Variants in DCC observed in about 807,000 individuals in gnomAD.
DCC encodes netrin receptor DCC.
Under a neutral mutation model 172.5 loss-of-function variants are expected in DCC, and 58 were observed. The observed-to-expected ratio is 0.34, with a 90% CI of 0.27 to 0.42. The LOEUF (loss-of-function observed/expected upper bound fraction) is 0.42. DCC is among the 10% of genes least tolerant of loss of function. DCC has a pLI of 1.00. For synonymous variants in DCC, 709 were observed against 644.5 expected (o/e 1.10, Z -1.52); for missense variants, 1,740 against 1,791.0 (o/e 0.97, Z 0.51).
intron 1 of DCC, among the ~76,000 whole-genome samples, chr18:52,351,766 T>C (rs1984131940): frequency 6.6e-6 from 1 of 152,226 alleles, no homozygotes; most frequent in Admixed American, 6.5e-5. Flanking sequence ...GATTATTTTC[T>C]CAATATGATC....
chr18:52,837,917 C>A (rs1388208935), intron 2 of DCC, among the ~76,000 whole-genome samples: 1 of 152,102 alleles, frequency 6.6e-6, no homozygotes, highest in Non-Finnish European at 1.5e-5. Flanking sequence ...GAAGGGGAAG[C>A]AAATACATCC....
intron 5 of DCC, among the ~76,000 whole-genome samples, chr18:52,956,728 T>C (rs772493468): frequency 8.5e-5 from 13 of 152,154 alleles, no homozygotes; most frequent in Non-Finnish European, 2.9e-5. Flanking sequence ...TCAATGACCA[T>C]GGAATATTTC....
At chr18:52,604,564 G>A (rs1266929665) in intron 1 of DCC, among the ~76,000 whole-genome samples, 1 of 152,156 alleles carries the variant, frequency 6.6e-6, no homozygotes, top group Non-Finnish European at 1.5e-5. Flanking sequence ...TGCACCATCT[G>A]TGCCTGTCCC....
At chr18:52,697,477 C>G (rs936327894) in intron 1 of DCC, among the ~76,000 whole-genome samples, 4 of 152,110 alleles carry the variant, frequency 2.6e-5, no homozygotes, top group Non-Finnish European at 5.9e-5. Flanking sequence ...TCAGTTTTCT[C>G]CTATGTGAGA....
At chr18:52,533,949 G>T (rs1026364523) in intron 1 of DCC, among the ~76,000 whole-genome samples, 1 of 151,962 alleles carries the variant, frequency 6.6e-6, no homozygotes, top group Non-Finnish European at 1.5e-5. Context: ...TGGTAAGTAG[G>T]TAGTGAATAT....
At chr18:53,017,760 C>T (rs951984725) in intron 5 of DCC, among the ~76,000 whole-genome samples, 4 of 152,150 alleles carry the variant, frequency 2.6e-5, no homozygotes, top group African/African-American at 7.2e-5. Flanking sequence ...TCATCCATTG[C>T]TAGCAGCAGT....
intron 1 of DCC, among the ~76,000 whole-genome samples, chr18:52,574,970 G>A (rs1199663244): frequency 2.0e-5 from 3 of 152,102 alleles, no homozygotes; most frequent in African/African-American, 7.2e-5. Flanking sequence ...AATGACTTGA[G>A]CAAGTCATTG....
At chr18:52,540,227 G>C (rs2144700221) in intron 1 of DCC, among the ~76,000 whole-genome samples, 1 of 152,224 alleles carries the variant, frequency 6.6e-6, no homozygotes, top group East Asian at 1.9e-4. Flanking sequence ...CTTAAGGCCA[G>C]GAGTTAGAAA....
intron 8 of DCC, among the ~76,000 whole-genome samples, chr18:53,169,024 T>C (rs2054969852): frequency 6.6e-6 from 1 of 152,206 alleles, no homozygotes; most frequent in South Asian, 2.1e-4. Flanking sequence ...ATTATTATAA[T>C]GCAATACATT....
chr18:52,472,795 C>G (rs1988984646), intron 1 of DCC, among the ~76,000 whole-genome samples: 2 of 152,106 alleles, frequency 1.3e-5, no homozygotes, highest in Non-Finnish European at 2.9e-5. Context: ...GTCCCAGCTA[C>G]TTGGGAGTCT....
At chr18:52,909,475 C>T (rs934061289) in intron 3 of DCC, among the ~76,000 whole-genome samples, 51 of 152,026 alleles carry the variant, frequency 3.4e-4, no homozygotes, top group African/African-American at 1.2e-3. Context: ...TAATTTTTAC[C>T]ATAGTTCATA....
intron 12 of DCC, among the ~76,000 whole-genome samples, chr18:53,300,989 C>CT (rs36129290): frequency 6.8e-6 from 1 of 146,590 alleles, no homozygotes; most frequent in Non-Finnish European, 1.5e-5. Flanking sequence ...TTCTTTCTTT[C>CT]TTTTTTTTTC....
intron 1 of DCC, among the ~76,000 whole-genome samples, chr18:52,348,491 G>T (rs765035467): frequency 6.6e-6 from 1 of 152,154 alleles, no homozygotes; most frequent in African/African-American, 2.4e-5. Flanking sequence ...TAATTTGCCC[G>T]CATCTGGTAA....
At chr18:52,608,057 C>A (rs1322947842) in intron 1 of DCC, among the ~76,000 whole-genome samples, 1 of 152,014 alleles carries the variant, frequency 6.6e-6, no homozygotes, top group East Asian at 1.9e-4. Context: ...AGAGCAACTT[C>A]TTTATAAAGA....
intron 1 of DCC, among the ~76,000 whole-genome samples, chr18:52,373,887 CATTTTT>C (rs1292143405): frequency 7.1e-6 from 1 of 141,154 alleles, no homozygotes; most frequent in African/African-American, 2.6e-5. Context: ...TTGGTTGCAT[CATTTTT>C]TTTTTTTTTT....
chr18:53,338,866 A>T (rs985883672), intron 14 of DCC, among the ~76,000 whole-genome samples: 6 of 152,202 alleles, frequency 3.9e-5, no homozygotes, highest in African/African-American at 1.4e-4. Context: ...AAATCTTTTC[A>T]ACACCATACC....
chr18:52,408,241 T>A (rs1568155659), intron 1 of DCC, among the ~76,000 whole-genome samples: 1 of 152,046 alleles, frequency 6.6e-6, no homozygotes, highest in African/African-American at 2.4e-5. Context: ...AAATCCAGAT[T>A]TTTTTAAGAA....
intron 19 of DCC, among the ~76,000 whole-genome samples, 183 bp downstream of exon 19, chr18:53,403,076 A>G (rs1413819339): frequency 0.032 from 28 of 870 alleles, no homozygotes; most frequent in East Asian, 0.26. Flanking sequence ...CTAATGGTGC[A>G]CACACACACA....
intron 8 of DCC, among the ~76,000 whole-genome samples, chr18:53,167,799 GA>G (rs2054945939): frequency 6.6e-6 from 1 of 152,124 alleles, no homozygotes; most frequent in African/African-American, 2.4e-5. Context: ...AGAAAGCAAT[GA>G]AAACACAAAA....
Sources: allele counts gnomAD v4.1 joint callset (sites outside exome capture counted in the v4.1 genomes callset), GRCh38; gene constraint gnomAD v4.1.1; transcripts MANE v1.5; gene names NCBI Gene and HGNC (gene_info 2026-07-23, HGNC 2026-07-21).